The following PSAT1 variants were observed in gnomAD, a reference collection of about 807,000 sequenced individuals.
PSAT1 encodes the protein phosphoserine aminotransferase.
In PSAT1, 41 loss-of-function variants were observed where a neutral mutation model predicts 40.3. That is an observed-to-expected ratio of 1.02 (90% CI 0.79 to 1.32). The LOEUF (loss-of-function observed/expected upper bound fraction) is 1.32. PSAT1 is among the 40% of genes most tolerant of loss of function. The probability of loss-of-function intolerance (pLI) is 0.00; values close to 1 mark genes in which losing one functional copy is unlikely to be tolerated. For missense variants in PSAT1, 406 were observed against 455.8 expected (o/e 0.89, Z 0.99); for synonymous variants, 147 against 170.5 (o/e 0.86, Z 1.07).
At chr9:78,302,626 C>G (rs12238510) in intron 3 of PSAT1, among the ~76,000 whole-genome samples, 3 of 150,362 alleles carry the variant, frequency 2.0e-5, no homozygotes, top group African/African-American at 7.4e-5. Context: ...CCCAGCTATT[C>G]GGGAGGCTGA....
intron 7 of PSAT1, among the ~76,000 whole-genome samples, chr9:78,319,295 G>C (rs888862585): frequency 2.0e-5 from 3 of 152,314 alleles, no homozygotes; most frequent in African/African-American, 4.8e-5. Context: ...TGTCACCTTT[G>C]TTCTTGCAAT....
At chr9:78,299,211 G>GA (rs34154867) in intron 1 of PSAT1, among the ~76,000 whole-genome samples, 2,639 of 140,392 alleles carry the variant, frequency 0.019, 44 homozygotes, top group African/African-American at 0.042. Flanking sequence ...TCTTCAACTG[G>GA]AAAAAAAAAA....
At chr9:78,322,994 T>C (rs2118698960) in intron 7 of PSAT1, among the ~76,000 whole-genome samples, 1 of 152,352 alleles carries the variant, frequency 6.6e-6, no homozygotes, top group East Asian at 1.9e-4. Flanking sequence ...AGGATTTTGA[T>C]GTCTACAGAT....
intron 7 of PSAT1, among the ~76,000 whole-genome samples, chr9:78,324,841 C>G (rs1828474650): frequency 6.6e-6 from 1 of 152,160 alleles, no homozygotes; most frequent in South Asian, 2.1e-4. Flanking sequence ...ACCGGCCCGT[C>G]CTACTCATTT....
intron 4 of PSAT1, 130 bp downstream of exon 4, chr9:78,305,070 C>T: frequency 1.2e-6 from 1 of 823,502 alleles, no homozygotes; most frequent in Non-Finnish European, 2.0e-6. Flanking sequence ...GATTGGGTGG[C>T]TGTACTAGCT....
At chr9:78,316,796 T>C (rs1042534309) in intron 6 of PSAT1, among the ~76,000 whole-genome samples, 2 of 152,164 alleles carry the variant, frequency 1.3e-5, no homozygotes, top group African/African-American at 4.8e-5. Context: ...GCCCGTCCTT[T>C]TAACCCCTCG....
rs957942362 is a variant in PSAT1 at position 78,309,451 on chromosome 9, C to T, written c.740+868C>T. 6.6e-5 allele frequency among the ~76,000 whole-genome samples: 10 copies of T among 152,358 alleles called. No homozygotes were observed. The East Asian group carries it at 1.9e-3, about 29-fold the overall frequency. ...GATCTCGGCTCACTGCAACCTCCACCTCCCAGGTTCAAGCGATTCTCCTGC... is the reference window on the plus strand; with the variant it reads ...GATCTCGGCTCACTGCAACCTCCACTTCCCAGGTTCAAGCGATTCTCCTGC... On this transcript the variant is annotated intron_variant, in intron 6 of 8. Coordinates refer to ENST00000376588, the MANE Select transcript of PSAT1 (RefSeq NM_058179.4).
intron 3 of PSAT1, 86 bp from the exon 4 acceptor site, chr9:78,304,649 G>A: frequency 7.5e-7 from 1 of 1,327,844 alleles, no homozygotes; most frequent in Non-Finnish European, 1.1e-6. Flanking sequence ...ATCCACCCAA[G>A]TTAAAGCACT....
At chr9:78,320,286 C>T (rs1439174215) in intron 7 of PSAT1, among the ~76,000 whole-genome samples, 1 of 151,494 alleles carries the variant, frequency 6.6e-6, no homozygotes, top group Non-Finnish European at 1.5e-5. Context: ...TCCATTCATC[C>T]ATCCACTCAC....
At chr9:78,320,067 C>A (rs371430863) in intron 7 of PSAT1, among the ~76,000 whole-genome samples, 1 of 151,752 alleles carries the variant, frequency 6.6e-6, no homozygotes, top group Non-Finnish European at 1.5e-5. Context: ...CACCATTGAC[C>A]CACCCATCCA....
At chr9:78,310,996 C>T (rs1013366723) in intron 6 of PSAT1, among the ~76,000 whole-genome samples, 4 of 152,224 alleles carry the variant, frequency 2.6e-5, no homozygotes, top group Non-Finnish European at 5.9e-5. Context: ...TTGTGTCTCC[C>T]ACTTTCCTCA....
In PSAT1 at chr9:78,314,756, C is replaced by T. The variant is rs182112458; in HGVS notation, c.741-2920C>T. Among the ~76,000 whole-genome samples, 845 of 152,080 alleles carry T rather than the reference C, an allele frequency of 5.6e-3. 15 individuals are homozygous for T. The highest frequency in any genetic ancestry group is 0.031 in the Admixed American group (476 of 15,280). On this transcript the variant is annotated intron_variant, in intron 6 of 8. Transcript: ENST00000376588. ...CACAGCAGTCAGCTAGGGGTTCAGGCGTCGGTACTGAGGTCTGGCTAGGAC... is the reference window on the plus strand; with the variant it reads ...CACAGCAGTCAGCTAGGGGTTCAGGTGTCGGTACTGAGGTCTGGCTAGGAC...
chr9:78,326,508 A>C lies in PSAT1; in HGVS notation c.870-1543A>C, dbSNP rs187153047. ...TATGTACCTTATGCAAAGTGCTGGG[A>C]ATAAAAAGATGAATTTATTCCCATA... On this transcript the variant is annotated intron_variant, in intron 7 of 8. Transcript: ENST00000376588. Among the ~76,000 whole-genome samples, 506 of 152,284 alleles carry C rather than the reference A, an allele frequency of 3.3e-3. 1 individual carries two copies. Among genetic ancestry groups the C allele is most frequent in the African/African-American group, 0.012 (491 of 41,550 alleles).
chr9:78,309,535 G>A (rs926199980), intron 6 of PSAT1, among the ~76,000 whole-genome samples: 1 of 152,158 alleles, frequency 6.6e-6, no homozygotes, highest in Non-Finnish European at 1.5e-5. Flanking sequence ...GCTAATTTTT[G>A]TATTTTTAGT....
At position 78,328,071 on chromosome 9, in the gene PSAT1, A is replaced by G. The variant is rs143866007; in HGVS notation, c.890A>G (p.Asn297Ser). The G allele has an allele frequency of 7.4e-6, 12 of 1,611,510 alleles. No homozygotes were observed. The highest frequency in any genetic ancestry group is 9.3e-6 in the Non-Finnish European group (11 of 1,179,452). ...TTCAGTTGTCCAGTGGAGCCCCAAAATAGAAGCAAGATGAATATTCCATTC... is the reference window on the plus strand; with the variant it reads ...TTCAGTTGTCCAGTGGAGCCCCAAAGTAGAAGCAAGATGAATATTCCATTC... ...GFYVCPVEPQ[N>S]RSKMNIPFRI... The change falls in exon 8 of 9, where the codon AAT becomes AGT. Residue 297 changes from asparagine to serine, a missense_variant. Coordinates refer to ENST00000376588, the MANE Select transcript of PSAT1 (RefSeq NM_058179.4).
At chr9:78,305,239 C>T (rs1828164233) in intron 4 of PSAT1, among the ~76,000 whole-genome samples, 1 of 152,174 alleles carries the variant, frequency 6.6e-6, no homozygotes, top group Non-Finnish European at 1.5e-5. Context: ...CTCAGCCTCC[C>T]AAGTAGCTGG....
chr9:78,310,170 T>C (rs1415782805), intron 6 of PSAT1, among the ~76,000 whole-genome samples: 1 of 152,174 alleles, frequency 6.6e-6, no homozygotes, highest in Non-Finnish European at 1.5e-5. Flanking sequence ...TGATGCTTTA[T>C]GTGTATGACC....
intron 2 of PSAT1, 48 bp downstream of exon 2, chr9:78,300,710 C>CA: frequency 9.0e-7 from 1 of 1,107,152 alleles, no homozygotes; most frequent in East Asian, 4.6e-5. Context: ...TCAAAGGAAG[C>CA]TTTTTTTTTT....
At chr9:78,307,175 G>A (rs1828196469) in intron 5 of PSAT1, among the ~76,000 whole-genome samples, 1 of 152,148 alleles carries the variant, frequency 6.6e-6, no homozygotes, top group Non-Finnish European at 1.5e-5. Context: ...GATGAAATCT[G>A]TACATTAAAC....
Sources: allele counts gnomAD v4.1 joint callset (sites outside exome capture counted in the v4.1 genomes callset), GRCh38; gene constraint gnomAD v4.1.1; transcripts MANE v1.5; gene names NCBI Gene and HGNC (gene_info 2026-07-23, HGNC 2026-07-21).